Variants in CCDC12 observed in about 807,000 individuals in gnomAD.
The protein encoded by CCDC12 is coiled-coil domain containing 12.
A neutral mutation model predicts 25.7 loss-of-function variants in CCDC12; 28 were observed. That is an observed-to-expected ratio of 1.09 (90% CI 0.81 to 1.50). The LOEUF (loss-of-function observed/expected upper bound fraction) is 1.50, where lower values mean the gene tolerates loss of function less well. Ranked by LOEUF, CCDC12 falls within the 40% of genes most tolerant of loss-of-function variation. CCDC12 has a pLI of 0.00. For synonymous variants in CCDC12, 75 were observed against 87.7 expected, an observed-to-expected ratio of 0.86 and a Z score of 0.81; for missense variants, 198 against 210.0, an observed-to-expected ratio of 0.94 and a Z score of 0.35.
At chr3:46,948,616 T>C (rs1374734387) in intron 1 of CCDC12, among the ~76,000 whole-genome samples, 1 of 152,230 alleles carries the variant, frequency 6.6e-6, no homozygotes, top group Non-Finnish European at 1.5e-5. Context: ...TGACGAAGGT[T>C]GGTGCCAAGG....
In CCDC12 at chr3:46,952,378, T is replaced by C. The variant is rs543067100; in HGVS notation, c.97-11313A>G. Among the ~76,000 whole-genome samples the C allele has an allele frequency of 7.2e-5, 11 of 152,302 alleles. No individual in the cohort carries two copies. The South Asian group carries it at 1.7e-3, about 23-fold the overall frequency. On this transcript the variant is annotated intron_variant, in intron 1 of 6. Transcript: ENST00000683445. Reference sequence around the variant, plus strand: ...CATGTCATACCTAATACTCTTTCCATTGGGTAGAGCACAAGTTTTGGGAAA... The same window carrying C: ...CATGTCATACCTAATACTCTTTCCACTGGGTAGAGCACAAGTTTTGGGAAA...
chr3:46,977,794 C>A (rs545951718), upstream of CCDC12, among the ~76,000 whole-genome samples: 4 of 152,228 alleles, frequency 2.6e-5, no homozygotes, highest in African/African-American at 4.8e-5. Flanking sequence ...GCCTCAAGTA[C>A]TGCCCCCAAT....
rs546107946 is a variant in CCDC12, at chr3:46,957,634, T to C, written c.97-16569A>G. ...CCGTTACGTTTCAGTACTGACTGAGTAGCTAGGTTAAATATTAAAAGCTAG... is the reference window on the plus strand; with the variant it reads ...CCGTTACGTTTCAGTACTGACTGAGCAGCTAGGTTAAATATTAAAAGCTAG... On this transcript the variant is annotated intron_variant, in intron 1 of 6. Transcript: ENST00000683445. Among the ~76,000 whole-genome samples, 15 of 152,194 alleles carry C rather than the reference T, an allele frequency of 9.9e-5. No individual in the cohort carries two copies. The South Asian group carries it at 3.1e-3, about 32-fold the overall frequency.
At chr3:46,926,002 C>T (rs1455912892) in intron 2 of CCDC12, among the ~76,000 whole-genome samples, 1 of 152,274 alleles carries the variant, frequency 6.6e-6, no homozygotes, top group African/African-American at 2.4e-5. Context: ...CCAGTGGTCA[C>T]CCACAAATTC....
chr3:46,971,705 T>C (rs977222534), intron 1 of CCDC12, among the ~76,000 whole-genome samples: 3 of 152,106 alleles, frequency 2.0e-5, no homozygotes, highest in Non-Finnish European at 4.4e-5. Flanking sequence ...ATGCCTGAAA[T>C]TCCTAAGGCC....
intron 1 of CCDC12, among the ~76,000 whole-genome samples, chr3:46,963,996 C>T (rs2034550408): frequency 6.6e-6 from 1 of 152,262 alleles, no homozygotes; most frequent in Admixed American, 6.5e-5. Context: ...GCCGCCATCC[C>T]ATCTAGGAAG....
At chr3:46,981,892 T>G (rs6442051) in intron 1 of CCDC12, 11,687 of 152,324 alleles carry the variant, frequency 0.077, 1,484 homozygotes, top group African/African-American at 0.26. Flanking sequence ...TGGTTATGGC[T>G]CATATCTGTG....
chr3:46,967,961 A>T (rs981721450), intron 1 of CCDC12, among the ~76,000 whole-genome samples: 9 of 152,242 alleles, frequency 5.9e-5, no homozygotes, highest in Non-Finnish European at 8.8e-5. Flanking sequence ...AGGTAGGGCC[A>T]GAAAAAAGGA....
At chr3:46,928,501 C>G (rs1215869436) in intron 2 of CCDC12, among the ~76,000 whole-genome samples, 3 of 152,000 alleles carry the variant, frequency 2.0e-5, no homozygotes, top group African/African-American at 7.3e-5. Flanking sequence ...ACCACAATTA[C>G]TTTTGCACCA....
At chr3:46,976,322 T>C (rs1212438339) in intron 1 of CCDC12, 7 of 1,265,534 alleles carry the variant, frequency 5.5e-6, no homozygotes, top group Non-Finnish European at 1.0e-6. Flanking sequence ...CCAACAAGCA[T>C]CTGAACCTAC....
intron 1 of CCDC12, among the ~76,000 whole-genome samples, chr3:46,969,534 G>A (rs1268944223): frequency 2.6e-5 from 4 of 152,228 alleles, no homozygotes; most frequent in Non-Finnish European, 2.9e-5. Flanking sequence ...CACCTGGCCC[G>A]CACTCCCATT....
rs76389788 is a variant in CCDC12 at position 46,970,018 on chromosome 3, G to A, written c.96+6619C>T. 2.1e-3 allele frequency among the ~76,000 whole-genome samples: 321 copies of A among 150,252 alleles called. 3 individuals carry two copies. Among genetic ancestry groups the A allele is most frequent in the African/African-American group, 7.6e-3 (308 of 40,754 alleles). Reference sequence around the variant, plus strand: ...CTACCAGGCTGAAGCAATTCTCCCTGCTCAGTCTCCCAAGTAGCTGGAACT... The same window carrying A: ...CTACCAGGCTGAAGCAATTCTCCCTACTCAGTCTCCCAAGTAGCTGGAACT... On this transcript the variant is annotated intron_variant, in intron 1 of 6. Transcript: ENST00000683445.
At chr3:46,960,033 G>T (rs1051002552) in intron 1 of CCDC12, among the ~76,000 whole-genome samples, 7 of 152,110 alleles carry the variant, frequency 4.6e-5, no homozygotes, top group Admixed American at 1.3e-4. Context: ...CGACATGCAT[G>T]CAAGTGTTGT....
At chr3:46,949,689 G>A (rs2034038866) in intron 1 of CCDC12, among the ~76,000 whole-genome samples, 1 of 152,162 alleles carries the variant, frequency 6.6e-6, no homozygotes, top group Admixed American at 6.5e-5. Flanking sequence ...AAGGCAACTT[G>A]GGTCCACCAT....
chr3:46,973,058 TA>T (rs59781582), intron 1 of CCDC12, among the ~76,000 whole-genome samples: 2,079 of 138,808 alleles, frequency 0.015, 22 homozygotes, highest in African/African-American at 0.036. Context: ...CACCCGAATT[TA>T]AAAAAAAAAA....
Position 46,922,062 on chromosome 3 carries a change from C to T in CCDC12, c.496G>A (p.Asp166Asn), listed in dbSNP as rs373516109. The change falls in exon 7 of 7, where the codon GAC becomes AAC. Residue 166 changes from aspartate (D) to asparagine (N), a missense_variant. Physicochemically the swap from Asp to Asn is conservative, Grantham distance 23. Transcript: ENST00000683445. ...AATEQKTCDSD is the reference protein window; with the variant it reads ...AATEQKTCDSN ...GTGGTGGGGCAGGGCATGCCTCAGT[C>T]GGAGTCACAGGTCTTTTGTTCGGTG... 8 of 1,613,962 alleles carry T rather than the reference C, an allele frequency of 5.0e-6. No individual in the cohort carries two copies. Among genetic ancestry groups the T allele is most frequent in the African/African-American group, 2.7e-5 (2 of 75,072 alleles).
chr3:46,958,958 T>C (rs1374286321), intron 1 of CCDC12, among the ~76,000 whole-genome samples: 2 of 152,184 alleles, frequency 1.3e-5, no homozygotes, highest in African/African-American at 4.8e-5. Flanking sequence ...AGTCAGAGGT[T>C]TACACAGCAA....
At chr3:46,968,530 T>C (rs2107196260) in intron 1 of CCDC12, among the ~76,000 whole-genome samples, 1 of 152,324 alleles carries the variant, frequency 6.6e-6, no homozygotes, top group Admixed American at 6.5e-5. Context: ...TCCTAGCTAC[T>C]GATGAGTTCA....
chr3:46,932,371 G>A (rs2033264822), intron 2 of CCDC12, among the ~76,000 whole-genome samples: 1 of 152,188 alleles, frequency 6.6e-6, no homozygotes, highest in Non-Finnish European at 1.5e-5. Flanking sequence ...TTGTTTGGTG[G>A]TTGATATTTT....
Sources: gnomAD v4.1 joint callset for allele counts (sites outside exome capture counted in the v4.1 genomes callset) on GRCh38, gnomAD v4.1.1 for gene constraint, MANE v1.5 for transcripts, NCBI Gene and HGNC (gene_info 2026-07-23, HGNC 2026-07-21) for gene names.